BRPF1: variants seen among roughly 807,000 people sequenced by gnomAD.
The protein encoded by BRPF1 is peregrin.
BRPF1 carries 15 observed loss-of-function variants against 115.0 expected under a neutral mutation model. That is an observed-to-expected ratio of 0.13 (90% CI 0.09 to 0.20). The LOEUF (loss-of-function observed/expected upper bound fraction) is 0.20, where lower values mean the gene tolerates loss of function less well. BRPF1 is among the 10% of genes least tolerant of loss of function. The pLI is 1.00. For missense variants in BRPF1, 1,118 were observed against 1,638.3 expected (o/e 0.68, Z 5.48); for synonymous variants, 647 against 619.8 (o/e 1.04, Z -0.65).
At chr3:9,742,341 C>G (rs1288663112) in intron 6 of BRPF1, 170 bp downstream of exon 6, 15 of 985,286 alleles carry the variant, frequency 1.5e-5, no homozygotes, top group Non-Finnish European at 1.8e-5. Context: ...TTGTCCCTGT[C>G]ACACCCCAAG....
intron 1 of BRPF1, among the ~76,000 whole-genome samples, chr3:9,733,694 G>A (rs1223340325): frequency 6.6e-6 from 1 of 152,210 alleles, no homozygotes; most frequent in African/African-American, 2.4e-5. Flanking sequence ...TTCAGGGAAT[G>A]GCAAGATCCC....
Position 9,743,080 on chromosome 3 carries a change from A to G in BRPF1, c.2138A>G (p.Tyr713Cys). Residue 713 changes from tyrosine (Y) to cysteine (C), a missense_variant, in exon 7 of 14, where the codon TAT becomes TGT. Transcript: ENST00000383829. This position sits in a 1 kb window ranked among gnomAD's most constrained non-coding sequence, Gnocchi z 6.1. ...FNLIVSNCLK[Y>C]NAKDTIFYRA... ...CTCATCGTCAGCAACTGCCTCAAGT[A>G]TAACGCCAAGGACACCATCTTCTAC... 1 of 1,614,270 alleles carries G rather than the reference A, an allele frequency of 6.2e-7. No homozygotes were observed. Among genetic ancestry groups the G allele is most frequent in the Non-Finnish European group, 8.5e-7 (1 of 1,180,052 alleles).
In BRPF1 at chr3:9,734,492, G is replaced by A; in HGVS notation, c.352G>A (p.Val118Met). The change falls in exon 2 of 14, where the codon GTG becomes ATG. Residue 118 changes from valine (V) to methionine (M), a missense_variant. Around this residue, in one of 10 missense-constraint regions of BRPF1, gnomAD observed 280 missense variants for 382.8 expected, o/e 0.73. Transcript: ENST00000383829. This position sits in a 1 kb window ranked among gnomAD's most constrained non-coding sequence, Gnocchi z 5.7. ...HRISIFDNLD[V>M]VSEDEEAPEE... ...CATCAGCATCTTTGACAACCTGGAT[G>A]TGGTGTCAGAGGATGAGGAAGCCCC... is the stretch of plus-strand genomic sequence containing the variant. 1 of 1,614,146 alleles carries A rather than the reference G, an allele frequency of 6.2e-7. No individual in the cohort carries two copies. Among genetic ancestry groups the A allele is most frequent in the Non-Finnish European group, 8.5e-7 (1 of 1,180,030 alleles).
chr3:9,733,975 A>G (rs539903309), intron 1 of BRPF1, among the ~76,000 whole-genome samples, 156 bp from the exon 2 acceptor site: 1 of 152,150 alleles, frequency 6.6e-6, no homozygotes, highest in Non-Finnish European at 1.5e-5. Flanking sequence ...GATATGGGCT[A>G]TGGTGGAGGA....
At chr3:9,741,745 T>G (rs1033974557) in intron 5 of BRPF1, among the ~76,000 whole-genome samples, 7 of 152,100 alleles carry the variant, frequency 4.6e-5, no homozygotes, top group Non-Finnish European at 1.0e-4. Context: ...CGGTGTGCTT[T>G]TAGTTCTGCT....
chr3:9,747,275 G>T lies in BRPF1; in HGVS notation c.3589G>T (p.Ala1197Ser), dbSNP rs1415511317. ...KSNIRKSVQIAYHRALQHRSK... is the reference protein window; with the variant it reads ...KSNIRKSVQISYHRALQHRSK... ...CAACATCCGCAAGTCAGTACAGATCGCCTACCACAGGGCTCTGCAGCACCG... is the reference window on the plus strand; with the variant it reads ...CAACATCCGCAAGTCAGTACAGATCTCCTACCACAGGGCTCTGCAGCACCG... The change falls in exon 14 of 14, where the codon GCC (alanine) becomes TCC (serine). Residue 1197 changes from alanine (A) to serine (S), a missense_variant. Ala to Ser is a moderately conservative substitution (Grantham distance 99). This residue lies in a region of BRPF1 where 76 missense variants were observed against 166.1 expected (regional missense o/e 0.46). Coordinates refer to ENST00000383829, the MANE Select transcript of BRPF1 (RefSeq NM_001003694.2). This position sits in a 1 kb window ranked among gnomAD's most constrained non-coding sequence, Gnocchi z 5.6. 6.2e-7 allele frequency: 1 copy of T among 1,614,084 alleles called. No homozygotes were observed. The highest frequency in any genetic ancestry group is 8.5e-7 in the Non-Finnish European group (1 of 1,180,054).
rs751239170 is a variant in BRPF1 at position 9,739,376 on chromosome 3, G to A, written c.977G>A (p.Arg326His). 10 of 1,614,162 alleles carry A rather than the reference G, an allele frequency of 6.2e-6. No homozygotes were observed. The highest frequency in any genetic ancestry group is 8.5e-6 in the Non-Finnish European group (10 of 1,180,044). Reference protein sequence around the residue: ...LCRRCLQSPSRAVDCALCPNK... With the variant: ...LCRRCLQSPSHAVDCALCPNK... ...CGCCGTTGCCTGCAGTCACCCTCTC[G>A]TGCTGTGGATTGTGCCCTGTGCCCC... Residue 326 changes from arginine (R) to histidine (H), a missense_variant, in exon 3 of 14, where the codon CGT becomes CAT. By Grantham distance (29) the Arg-to-His change is conservative. Coordinates refer to ENST00000383829, the MANE Select transcript of BRPF1 (RefSeq NM_001003694.2).
chr3:9,742,317 A>G, intron 6 of BRPF1, 146 bp downstream of exon 6: 1 of 1,483,780 alleles, frequency 6.7e-7, no homozygotes, highest in East Asian at 2.4e-5. Flanking sequence ...CACATGTATC[A>G]CCTGGACTCT....
chr3:9,744,383 G>T lies in BRPF1; in HGVS notation c.2795G>T (p.Ser932Ile). The change falls in exon 9 of 14, where the codon AGT becomes ATT. Residue 932 changes from serine (S) to isoleucine (I), a missense_variant. This residue lies in a region of BRPF1 where 92 missense variants were observed against 102.2 expected (regional missense o/e 0.90). Transcript: ENST00000383829. Reference sequence around the variant, plus strand: ...CAGATGACCCCCAGCCACGGAGGCAGTCCTGTGGGGCCCCCCCAGCTCCCC... The same window carrying T: ...CAGATGACCCCCAGCCACGGAGGCATTCCTGTGGGGCCCCCCCAGCTCCCC... The part of the protein sequence containing the change: ...ESQMTPSHGG[S>I]PVGPPQLPIM... The T allele has an allele frequency of 6.2e-7, 1 of 1,612,596 alleles. No individual in the cohort carries two copies. Among genetic ancestry groups the T allele is most frequent in the Non-Finnish European group, 8.5e-7 (1 of 1,179,386 alleles).
chr3:9,741,636 CAAA>C (rs5846643), intron 5 of BRPF1, among the ~76,000 whole-genome samples, 197 bp downstream of exon 5: 8 of 89,212 alleles, frequency 9.0e-5, no homozygotes, highest in Admixed American at 3.4e-4. Context: ...GACTCCGTCT[CAAA>C]AAAAAAAAAA....
At position 9,744,341 on chromosome 3, in the gene BRPF1, C is replaced by G. The variant is rs1381871048; in HGVS notation, c.2753C>G (p.Pro918Arg). 2 of 1,613,346 alleles carry G rather than the reference C, an allele frequency of 1.2e-6. No individual in the cohort carries two copies. Among genetic ancestry groups the G allele is most frequent in the East Asian group, 2.2e-5 (1 of 44,838 alleles). The change falls in exon 9 of 14, where the codon CCC (proline) becomes CGC (arginine). Residue 918 changes from proline (P) to arginine (R), a missense_variant. Physicochemically the swap from Pro to Arg is moderately radical, Grantham distance 103 (BLOSUM62 -2). Transcript: ENST00000383829. ...CCGCCCAAGAGGCCGGGCCGGCCCCCCAAAAACCGGGAGAGCCAGATGACC... is the reference window on the plus strand; with the variant it reads ...CCGCCCAAGAGGCCGGGCCGGCCCCGCAAAAACCGGGAGAGCCAGATGACC... ...AGPPKRPGRP[P>R]KNRESQMTPS...
chr3:9,739,390 G>A lies in BRPF1; in HGVS notation c.991G>A (p.Ala331Thr). The A allele has an allele frequency of 6.2e-7, 1 of 1,614,194 alleles. No individual in the cohort carries two copies. Among genetic ancestry groups the A allele is most frequent in the Non-Finnish European group, 8.5e-7 (1 of 1,180,036 alleles). Residue 331 changes from alanine to threonine, a missense_variant, in exon 3 of 14, where the codon GCC becomes ACC. Physicochemically the swap from Ala to Thr is moderately conservative, Grantham distance 58. This residue lies in a region of BRPF1 where 64 missense variants were observed against 172.8 expected (regional missense o/e 0.37). Coordinates refer to ENST00000383829, the MANE Select transcript of BRPF1 (RefSeq NM_001003694.2). ...LQSPSRAVDCALCPNKGGAFK... is the reference protein window; with the variant it reads ...LQSPSRAVDCTLCPNKGGAFK... ...GTCACCCTCTCGTGCTGTGGATTGT[G>A]CCCTGTGCCCCAACAAGGGCGGTGC...
intron 4 of BRPF1, 68 bp from the exon 5 acceptor site, chr3:9,741,240 T>A: frequency 6.6e-7 from 1 of 1,509,176 alleles, no homozygotes; most frequent in Non-Finnish European, 8.9e-7. Context: ...TTTCCTGGGC[T>A]CTCTTCTCCC....
chr3:9,745,459 C>A lies in BRPF1; in HGVS notation c.3069-114C>A. 1.6e-6 allele frequency: 2 copies of A among 1,247,726 alleles called. No individual in the cohort carries two copies. Among genetic ancestry groups the A allele is most frequent in the Non-Finnish European group, 2.3e-6 (2 of 874,392 alleles). The allele number at this position is 1,247,726 out of a possible 1,614,324, so 77.3% of individuals were successfully genotyped here. A position where few individuals can be genotyped will look rare whatever the true frequency, so the allele number is the denominator to read the frequency against. ...TTTGAATTTGAAATTCCTCATATAG[C>A]CTCTGCTTTCCAAAAGTCTCAGACC... On this transcript the variant is annotated intron_variant, in intron 10 of 13. Transcript: ENST00000383829. The surrounding 1 kb of genome is among the most constrained non-coding windows in gnomAD (Gnocchi z 5.1).
At chr3:9,737,481 C>G (rs375252614) in intron 2 of BRPF1, among the ~76,000 whole-genome samples, 1 of 152,226 alleles carries the variant, frequency 6.6e-6, no homozygotes, top group Non-Finnish European at 1.5e-5. Context: ...GATGAACAAA[C>G]AAGGCTCAGG....
intron 4 of BRPF1, 22 bp downstream of exon 4, chr3:9,740,963 G>C (rs1262889966): frequency 1.9e-6 from 3 of 1,602,240 alleles, no homozygotes; most frequent in Non-Finnish European, 2.6e-6. Context: ...AGTTCCCTGT[G>C]GGCTCTGGGA....
chr3:9,740,551 C>T (rs1441431974), intron 3 of BRPF1, among the ~76,000 whole-genome samples: 1 of 152,152 alleles, frequency 6.6e-6, no homozygotes, highest in Non-Finnish European at 1.5e-5. Context: ...TGCTGGTGTA[C>T]AGGGTTAGGG....
At chr3:9,736,219 G>T (rs1454744613) in intron 2 of BRPF1, among the ~76,000 whole-genome samples, 3 of 151,704 alleles carry the variant, frequency 2.0e-5, no homozygotes, top group Non-Finnish European at 4.4e-5. Context: ...TGTTGGCCAG[G>T]ATGGTCTCGA....
intron 1 of BRPF1, chr3:9,732,515 G>C (rs1270790302): frequency 6.6e-6 from 1 of 152,110 alleles, no homozygotes; most frequent in Non-Finnish European, 1.5e-5. Context: ...CCCTCCCCAC[G>C]GGCTTTCTGG....
Sources: allele counts gnomAD v4.1 joint callset (sites outside exome capture counted in the v4.1 genomes callset), GRCh38; gene constraint gnomAD v4.1.1; regional missense constraint gnomAD v4.1.1; non-coding constraint Gnocchi (gnomAD v3.1); transcripts MANE v1.5; gene names NCBI Gene and HGNC (gene_info 2026-07-23, HGNC 2026-07-21).